Variants in ADCY5 observed in about 807,000 individuals in gnomAD.
ADCY5 encodes the protein adenylate cyclase 5.
ADCY5 carries 30 observed loss-of-function variants against 119.7 expected under a neutral mutation model. The ratio of observed to expected loss-of-function variants is 0.25; its 90% CI spans 0.19 to 0.34. The LOEUF (loss-of-function observed/expected upper bound fraction) is 0.34, where lower values mean the gene tolerates loss of function less well. ADCY5 is among the 10% of genes least tolerant of loss of function. ADCY5 has a pLI of 1.00. For missense variants in ADCY5, 1,324 were observed against 1,775.2 expected (o/e 0.75, Z 4.57); for synonymous variants, 753 against 762.2 (o/e 0.99, Z 0.20).
Position 123,448,324 on chromosome 3 carries a change from G to A in ADCY5, c.222C>T (p.Arg74=). Residue 74 remains arginine, a synonymous_variant, in exon 1 of 21, where the codon CGC becomes CGT. Transcript: ENST00000462833. ...QQQQRLASRW[R]SDDDDDPPLS... is the part of the protein sequence containing the mutation. The stretch of plus-strand genomic sequence containing the variant: ...GCGGAGGATCGTCGTCGTCGTCGCT[G>A]CGCCAGCGGCTGGCCAGGCGCTGCT... 6.5e-7 allele frequency: 1 copy of A among 1,537,010 alleles called. No homozygotes were observed. The highest frequency in any genetic ancestry group is 1.2e-5 in the South Asian group (1 of 84,700).
At chr3:123,421,568 A>G (rs1269778554) in intron 1 of ADCY5, among the ~76,000 whole-genome samples, 1 of 152,080 alleles carries the variant, frequency 6.6e-6, no homozygotes, top group East Asian at 1.9e-4. Flanking sequence ...TCACAGGGCA[A>G]TTGCTCCCTG....
intron 7 of ADCY5, 111 bp from the exon 8 acceptor site, chr3:123,325,573 T>A: frequency 7.2e-7 from 1 of 1,391,300 alleles, no homozygotes; most frequent in Non-Finnish European, 1.0e-6. Flanking sequence ...AGCTGCCCTT[T>A]CCTCTCTGCA....
At chr3:123,396,985 C>T (rs1445520120) in intron 1 of ADCY5, among the ~76,000 whole-genome samples, 6 of 152,190 alleles carry the variant, frequency 3.9e-5, no homozygotes, top group South Asian at 2.1e-4. Flanking sequence ...TGTGAGCTCC[C>T]GGAACTGGGA....
chr3:123,365,682 C>T (rs1179814475), intron 1 of ADCY5, among the ~76,000 whole-genome samples: 1 of 152,130 alleles, frequency 6.6e-6, no homozygotes, highest in Admixed American at 6.5e-5. Flanking sequence ...TCAACAGAAT[C>T]AGGTGTTGTG....
chr3:123,317,388 CTCAATTG>C (rs1940969839), intron 11 of ADCY5, among the ~76,000 whole-genome samples: 1 of 150,248 alleles, frequency 6.7e-6, no homozygotes, highest in Non-Finnish European at 1.5e-5. Context: ...CTTTGGGTGA[CTCAATTG>C]TCAGTGATGG....
intron 17 of ADCY5, among the ~76,000 whole-genome samples, chr3:123,294,784 AC>A (rs1939397129): frequency 6.6e-6 from 1 of 152,168 alleles, no homozygotes; most frequent in Non-Finnish European, 1.5e-5. Context: ...CGCAGGGATG[AC>A]GCAGGGAGTG....
At position 123,327,703 on chromosome 3, in the gene ADCY5, T is replaced by G. The variant is rs762351093; in HGVS notation, c.1862A>C (p.Glu621Ala). ...GTTGCGCTCGCCCCCACAGCCTGGC[T>G]CCACCTCGTAGTCCCCATTCAGGTA... The part of the protein sequence containing the change: ...LNYLNGDYEV[E>A]PGCGGERNAY... The change falls in exon 7 of 21, where the codon GAG becomes GCG. Residue 621 changes from glutamate to alanine, a missense_variant. Glu to Ala is a moderately radical substitution (Grantham distance 107, BLOSUM62 -1). Transcript: ENST00000462833. 6.2e-7 allele frequency: 1 copy of G among 1,613,966 alleles called. No homozygotes were observed. Among genetic ancestry groups the G allele is most frequent in the East Asian group, 2.2e-5 (1 of 44,878 alleles).
intron 1 of ADCY5, among the ~76,000 whole-genome samples, chr3:123,399,133 G>A (rs552583824): frequency 6.6e-6 from 1 of 152,344 alleles, no homozygotes; most frequent in Non-Finnish European, 1.5e-5. Context: ...GTGCTGCCCA[G>A]TGGAGCTCTC....
chr3:123,367,792 C>A, intron 1 of ADCY5: 1 of 1,429,366 alleles, frequency 7.0e-7, no homozygotes. Flanking sequence ...ATGCCCACAT[C>A]TCCTCCCTCT....
At chr3:123,285,839 C>T (rs1938716742) in intron 20 of ADCY5, among the ~76,000 whole-genome samples, 1 of 152,244 alleles carries the variant, frequency 6.6e-6, no homozygotes, top group South Asian at 2.1e-4. Context: ...GGCCCCTCGG[C>T]CAGCATCCAC....
At chr3:123,435,153 C>T (rs752788316) in intron 1 of ADCY5, among the ~76,000 whole-genome samples, 4 of 152,056 alleles carry the variant, frequency 2.6e-5, no homozygotes, top group Non-Finnish European at 2.9e-5. Flanking sequence ...GGCCTGGTGG[C>T]GCATGCCTAT....
intron 1 of ADCY5, among the ~76,000 whole-genome samples, chr3:123,362,401 G>T (rs181487004): frequency 6.6e-6 from 1 of 152,280 alleles, no homozygotes; most frequent in Admixed American, 6.5e-5. Context: ...CCTTAAATTT[G>T]TAAAGCAAAT....
chr3:123,374,772 G>T (rs1163019061), intron 1 of ADCY5, among the ~76,000 whole-genome samples: 2 of 152,196 alleles, frequency 1.3e-5, no homozygotes, highest in East Asian at 3.8e-4. Flanking sequence ...GCTGGGGCTG[G>T]GAGGGAGGGA....
chr3:123,350,723 T>C (rs1318487915), intron 2 of ADCY5, among the ~76,000 whole-genome samples: 1 of 152,232 alleles, frequency 6.6e-6, no homozygotes, highest in Admixed American at 6.5e-5. Flanking sequence ...GCTCCGAATA[T>C]GGAATGGCAA....
At chr3:123,442,558 C>T (rs1271559815) in intron 1 of ADCY5, among the ~76,000 whole-genome samples, 2 of 152,254 alleles carry the variant, frequency 1.3e-5, no homozygotes, top group Non-Finnish European at 2.9e-5. Context: ...TCATCCATGT[C>T]CTCTTTACAG....
At chr3:123,317,889 G>A in intron 11 of ADCY5, 131 bp downstream of exon 11, 1 of 818,090 alleles carries the variant, frequency 1.2e-6, no homozygotes, top group South Asian at 1.6e-5. Flanking sequence ...GGCACACTCA[G>A]AAACTTCTCT....
chr3:123,355,216 T>C (rs1340121131), intron 1 of ADCY5, among the ~76,000 whole-genome samples: 6 of 152,198 alleles, frequency 3.9e-5, no homozygotes, highest in Non-Finnish European at 8.8e-5. Flanking sequence ...CCTCAAAAAA[T>C]TTTAAAAACT....
intron 1 of ADCY5, among the ~76,000 whole-genome samples, chr3:123,409,690 G>A (rs1314664608): frequency 6.6e-6 from 1 of 152,116 alleles, no homozygotes; most frequent in African/African-American, 2.4e-5. Context: ...GAAACTCTGG[G>A]AGCCCAGCAA....
In ADCY5 at chr3:123,283,472, A is replaced by C. The variant is rs908092205; in HGVS notation, c.*1136T>G. The C allele has an allele frequency of 1.3e-5, 2 of 152,096 alleles. No individual in the cohort carries two copies. Among genetic ancestry groups the C allele is most frequent in the Admixed American group, 6.5e-5 (1 of 15,280 alleles). 9.4% of individuals were successfully genotyped at this position (152,096 alleles called of 1,614,324 possible). A position where few individuals can be genotyped will look rare whatever the true frequency, so the allele number is the denominator to read the frequency against. On this transcript the variant is annotated 3_prime_UTR_variant, in exon 21 of 21. Coordinates refer to ENST00000462833, the MANE Select transcript of ADCY5 (RefSeq NM_183357.3). ...TGCTTAGGGGAAGGAGGGTGTGTGCATGTGTGTACATACGTGTGCGTGTGT... is the reference window on the plus strand; with the variant it reads ...TGCTTAGGGGAAGGAGGGTGTGTGCCTGTGTGTACATACGTGTGCGTGTGT...
Sources: allele counts gnomAD v4.1 joint callset (sites outside exome capture counted in the v4.1 genomes callset), GRCh38; gene constraint gnomAD v4.1.1; transcripts MANE v1.5; gene names NCBI Gene and HGNC (gene_info 2026-07-23, HGNC 2026-07-21).